TRPC4: variants seen among roughly 807,000 people sequenced by gnomAD.
TRPC4 encodes transient receptor potential cation channel subfamily C member 4.
Under a neutral mutation model 99.4 loss-of-function variants are expected in TRPC4, and 49 were observed. The observed-to-expected ratio is 0.49, with a 90% CI of 0.39 to 0.63. The LOEUF is 0.63. Among genes scored for constraint, TRPC4 ranks in the 20% least tolerant of loss-of-function variants. TRPC4 has a pLI of 0.00. For missense variants in TRPC4, 898 were observed against 1,152.9 expected, an observed-to-expected ratio of 0.78 and a Z score of 3.20; for synonymous variants, 454 against 425.9, an observed-to-expected ratio of 1.07 and a Z score of -0.81.
intron 1 of TRPC4, among the ~76,000 whole-genome samples, chr13:37,864,635 C>A (rs1029326500): frequency 6.6e-6 from 1 of 151,488 alleles, no homozygotes; most frequent in African/African-American, 2.4e-5. Context: ...TTTGAAAATC[C>A]TCCGGTTTTC....
At chr13:37,832,126 CACA>C (rs1566207087) in intron 1 of TRPC4, among the ~76,000 whole-genome samples, 1 of 152,118 alleles carries the variant, frequency 6.6e-6, no homozygotes, top group African/African-American at 2.4e-5. Flanking sequence ...ATATTTGTAA[CACA>C]ACATTACATT....
intron 1 of TRPC4, among the ~76,000 whole-genome samples, chr13:37,805,473 T>C (rs1957508078): frequency 6.6e-6 from 1 of 151,986 alleles, no homozygotes; most frequent in African/African-American, 2.4e-5. Flanking sequence ...TTTTCCATGA[T>C]ATAAGTCCAT....
At chr13:37,694,935 G>T (rs1346228987) in intron 3 of TRPC4, among the ~76,000 whole-genome samples, 1 of 152,010 alleles carries the variant, frequency 6.6e-6, no homozygotes, top group Non-Finnish European at 1.5e-5. Flanking sequence ...GTCTCCTTTC[G>T]ACCAAACATG....
chr13:37,732,910 A>G lies in TRPC4; in HGVS notation c.897+13027T>C, dbSNP rs539924733. Among the ~76,000 whole-genome samples the G allele has an allele frequency of 3.9e-3, 596 of 152,288 alleles. 3 individuals carry two copies. The highest frequency in any genetic ancestry group is 0.014 in the African/African-American group (580 of 41,570). Reference sequence around the variant, plus strand: ...GCCTGAAGCAACTACGGATTCAACTACCAATGTCATTTTTCACAAAATTAG... The same window carrying G: ...GCCTGAAGCAACTACGGATTCAACTGCCAATGTCATTTTTCACAAAATTAG... On this transcript the variant is annotated intron_variant, in intron 3 of 10. Transcript: ENST00000379705.
chr13:37,648,467 C>T (rs1393306849), intron 8 of TRPC4, among the ~76,000 whole-genome samples: 1 of 151,624 alleles, frequency 6.6e-6, no homozygotes, highest in African/African-American at 2.4e-5. Flanking sequence ...ACAGACAAAA[C>T]TCAGAATATT....
intron 2 of TRPC4, among the ~76,000 whole-genome samples, chr13:37,765,311 C>T (rs1393329989): frequency 6.6e-6 from 1 of 151,386 alleles, no homozygotes; most frequent in Admixed American, 6.6e-5. Context: ...AGCATGTCCA[C>T]AGGGTTTTTT....
intron 1 of TRPC4, among the ~76,000 whole-genome samples, chr13:37,847,480 A>C (rs1467961249): frequency 6.6e-6 from 1 of 152,106 alleles, no homozygotes; most frequent in Non-Finnish European, 1.5e-5. Flanking sequence ...AAATTTAAAA[A>C]TACCTTGAGA....
chr13:37,728,091 A>T (rs1248042614), intron 3 of TRPC4, among the ~76,000 whole-genome samples: 1 of 152,082 alleles, frequency 6.6e-6, no homozygotes, highest in Admixed American at 6.6e-5. Context: ...CATCATACTC[A>T]ATGGTGAAAG....
At chr13:37,729,996 C>A (rs933579673) in intron 3 of TRPC4, among the ~76,000 whole-genome samples, 6 of 151,950 alleles carry the variant, frequency 3.9e-5, no homozygotes, top group African/African-American at 1.4e-4. Context: ...TTGTATTTCA[C>A]CAGAATAGAA....
intron 2 of TRPC4, among the ~76,000 whole-genome samples, chr13:37,765,450 C>G (rs1593691514): frequency 6.6e-6 from 1 of 151,190 alleles, no homozygotes; most frequent in Non-Finnish European, 1.5e-5. Flanking sequence ...TCTTTTAATC[C>G]ATGTGGAATT....
At chr13:37,825,048 G>A (rs868261057) in intron 1 of TRPC4, among the ~76,000 whole-genome samples, 271 of 151,476 alleles carry the variant, frequency 1.8e-3, no homozygotes, top group Middle Eastern at 3.4e-3. Flanking sequence ...AGATTTTCTA[G>A]TTTATTTGCA....
intron 2 of TRPC4, among the ~76,000 whole-genome samples, chr13:37,747,991 T>G (rs2139173926): frequency 6.6e-6 from 1 of 152,154 alleles, no homozygotes; most frequent in South Asian, 2.1e-4. Flanking sequence ...GTGACTAAGG[T>G]TTGGGAAATG....
intron 4 of TRPC4, among the ~76,000 whole-genome samples, chr13:37,689,073 T>G (rs1342345481): frequency 6.6e-6 from 1 of 152,206 alleles, no homozygotes; most frequent in Non-Finnish European, 1.5e-5. Flanking sequence ...CTGATGTCTT[T>G]AGCCTGGCTC....
At chr13:37,657,970 G>A (rs1952296269) in intron 6 of TRPC4, among the ~76,000 whole-genome samples, 2 of 152,052 alleles carry the variant, frequency 1.3e-5, no homozygotes, top group South Asian at 4.1e-4. Flanking sequence ...TTAAGACCCT[G>A]GCCTTAGTGT....
At chr13:37,700,343 T>G (rs1430274206) in intron 3 of TRPC4, among the ~76,000 whole-genome samples, 1 of 152,142 alleles carries the variant, frequency 6.6e-6, no homozygotes, top group Admixed American at 6.5e-5. Flanking sequence ...GATCCTGGCC[T>G]TCCATGAATG....
rs577215362 is a variant in TRPC4 at position 37,795,815 on chromosome 13, G to A, written c.-27-12455C>T. Among the ~76,000 whole-genome samples, 11 of 152,064 alleles carry A rather than the reference G, an allele frequency of 7.2e-5. No individual in the cohort carries two copies. The South Asian group carries it at 2.3e-3, about 32-fold the overall frequency. On this transcript the variant is annotated intron_variant, in intron 1 of 10. Transcript: ENST00000379705. ...TGACTCTTATTATTTTTACCAAATG[G>A]TGAACTTTCTACTGATTATAGACAT...
intron 4 of TRPC4, among the ~76,000 whole-genome samples, chr13:37,677,040 T>C (rs1456678674): frequency 6.6e-6 from 1 of 151,908 alleles, no homozygotes; most frequent in Non-Finnish European, 1.5e-5. Context: ...ATTGTCAACA[T>C]AGGTAAAAGT....
chr13:37,820,691 T>C (rs1957985643), intron 1 of TRPC4, among the ~76,000 whole-genome samples: 1 of 152,046 alleles, frequency 6.6e-6, no homozygotes, highest in African/African-American at 2.4e-5. Flanking sequence ...AAAAATCACA[T>C]GATTATCTCC....
chr13:37,798,565 C>T (rs1185795081), intron 1 of TRPC4, among the ~76,000 whole-genome samples: 2 of 152,016 alleles, frequency 1.3e-5, no homozygotes, highest in East Asian at 1.9e-4. Context: ...CTCATAGGCT[C>T]ATGGTATGCA....
Sources: gnomAD v4.1 joint callset for allele counts (sites outside exome capture counted in the v4.1 genomes callset) on GRCh38, gnomAD v4.1.1 for gene constraint, MANE v1.5 for transcripts, NCBI Gene and HGNC (gene_info 2026-07-23, HGNC 2026-07-21) for gene names.